USP7: variants seen among roughly 807,000 people sequenced by gnomAD.
USP7 encodes the protein ubiquitin specific peptidase 7.
USP7 carries 9 observed loss-of-function variants against 162.9 expected under a neutral mutation model. The observed-to-expected ratio is 0.06, with a 90% CI of 0.03 to 0.10. The LOEUF is 0.10. Among genes scored for constraint, USP7 ranks in the 10% least tolerant of loss-of-function variants. The pLI is 1.00. For synonymous variants in USP7, 562 were observed against 475.9 expected, an observed-to-expected ratio of 1.18 and a Z score of -2.35; for missense variants, 715 against 1,373.7, an observed-to-expected ratio of 0.52 and a Z score of 7.58.
rs546633709 is a variant in USP7 at position 8,909,950 on chromosome 16, T to C, written c.1161+795A>G. Among the ~76,000 whole-genome samples the C allele has an allele frequency of 2.0e-5, 3 of 152,150 alleles. No individual in the cohort carries two copies. The East Asian group carries it at 5.8e-4, about 29-fold the overall frequency. On this transcript the variant is annotated intron_variant, in intron 11 of 30. Transcript: ENST00000344836. ...CAGAAAAAAAAGCAACTTTCTGATCTATACCTCAGTCCCTCAGTCCAACTG... is the reference window on the plus strand; with the variant it reads ...CAGAAAAAAAAGCAACTTTCTGATCCATACCTCAGTCCCTCAGTCCAACTG...
intron 1 of USP7, among the ~76,000 whole-genome samples, chr16:8,943,886 A>G (rs1330939357): frequency 1.3e-5 from 2 of 152,342 alleles, no homozygotes; most frequent in African/African-American, 2.4e-5. Context: ...AATTTTTCAC[A>G]GGAAAACATT....
At position 8,892,425 on chromosome 16, in the gene USP7, C is replaced by T. The variant is rs943136581; in HGVS notation, c.*1573G>A. 2.6e-5 allele frequency: 4 copies of T among 152,218 alleles called. No individual in the cohort carries two copies. The highest frequency in any genetic ancestry group is 9.7e-5 in the African/African-American group (4 of 41,428). 9.4% of individuals were successfully genotyped at this position (152,218 alleles called of 1,614,324 possible). A position where few individuals can be genotyped will look rare whatever the true frequency, so the allele number is the denominator to read the frequency against. ...CACACTGGCCCAAAGACCAGGAAAC[C>T]GTGCCACGGAGCTGGAAGGCAAGGC... On this transcript the variant is annotated 3_prime_UTR_variant, in exon 31 of 31. Transcript: ENST00000344836.
intron 2 of USP7, among the ~76,000 whole-genome samples, chr16:8,929,062 A>C (rs1409354571): frequency 6.6e-6 from 1 of 152,016 alleles, no homozygotes; most frequent in Admixed American, 6.6e-5. Flanking sequence ...AAAAAGAAAA[A>C]AACAGTAGGG....
chr16:8,897,726 A>AAAATATATAT (rs1555461671), intron 25 of USP7, among the ~76,000 whole-genome samples: 11 of 7,138 alleles, frequency 1.5e-3, no homozygotes, highest in Non-Finnish European at 1.9e-3. Flanking sequence ...AAAAAAAAAA[A>AAAATATATAT]ATATATATAT....
chr16:8,936,717 T>C, intron 1 of USP7: 1 of 1,408,088 alleles, frequency 7.1e-7, no homozygotes, highest in Non-Finnish European at 9.3e-7. Flanking sequence ...CTCAGCATTC[T>C]TTTTTATTTT....
At chr16:8,955,397 A>T (rs1436729356) in intron 1 of USP7, among the ~76,000 whole-genome samples, 2 of 150,852 alleles carry the variant, frequency 1.3e-5, no homozygotes, top group African/African-American at 4.9e-5. Context: ...GGCATAAGCC[A>T]CCATGCCCAG....
At chr16:8,913,813 C>A (rs1309404649) in intron 10 of USP7, among the ~76,000 whole-genome samples, 1 of 151,944 alleles carries the variant, frequency 6.6e-6, no homozygotes, top group Non-Finnish European at 1.5e-5. Context: ...TGCAGTGGCA[C>A]AATCATGGCT....
chr16:8,920,320 A>C, intron 5 of USP7, 39 bp downstream of exon 5: 1 of 1,558,304 alleles, frequency 6.4e-7, no homozygotes, highest in Non-Finnish European at 8.8e-7. Context: ...TGCAGCACAA[A>C]AGACATTTTT....
intron 2 of USP7, among the ~76,000 whole-genome samples, chr16:8,923,815 A>T (rs1897842166): frequency 6.6e-6 from 1 of 152,186 alleles, no homozygotes; most frequent in African/African-American, 2.4e-5. Context: ...ACGACATGGG[A>T]CTTGGGCTGA....
chr16:8,899,213 C>T (rs773800153), intron 22 of USP7, 25 bp from the exon 23 acceptor site: 1 of 1,611,800 alleles, frequency 6.2e-7, no homozygotes, highest in Non-Finnish European at 8.5e-7. Context: ...GGAAGGTTCA[C>T]ATTTTGGGGA....
chr16:8,915,556 CTT>C (rs2062014806), intron 8 of USP7, 31 bp from the exon 9 acceptor site: 5 of 1,587,020 alleles, frequency 3.2e-6, no homozygotes, highest in East Asian at 2.2e-5. Context: ...TTTAAAAAAA[CTT>C]TTTTGTACTT....
At chr16:8,906,146 G>A (rs4985012) in intron 13 of USP7, among the ~76,000 whole-genome samples, 73,240 of 152,166 alleles carry the variant, frequency 0.48, 20,252 homozygotes, top group East Asian at 0.65. Flanking sequence ...ATTATCCCAC[G>A]AGCATTCAGA....
rs777867267 is a variant in USP7, at chr16:8,905,218, G to A, written c.1542C>T (p.Tyr514=). Residue 514 remains tyrosine, a synonymous_variant, in exon 14 of 31, where the codon TAC becomes TAT. Transcript: ENST00000344836. ...TTGATTCCCTGATGTAGACTAACAT[G>A]TAAGCATTAGTGCAGTGTCGAACAG... ...DLSVRHCTNA[Y]MLVYIRESKL... 1 of 1,614,188 alleles carries A rather than the reference G, an allele frequency of 6.2e-7. No homozygotes were observed. Among genetic ancestry groups the A allele is most frequent in the South Asian group, 1.1e-5 (1 of 91,088 alleles).
chr16:8,908,839 C>A (rs926263082), intron 11 of USP7, among the ~76,000 whole-genome samples: 2 of 152,218 alleles, frequency 1.3e-5, no homozygotes, highest in Non-Finnish European at 2.9e-5. Context: ...TCAGAAAACT[C>A]TGGTTACAAT....
At position 8,902,441 on chromosome 16, in the gene USP7, T is replaced by C. The variant is rs145585318; in HGVS notation, c.1881A>G (p.Ala627=). The C allele has an allele frequency of 7.3e-5, 118 of 1,614,012 alleles. No individual in the cohort carries two copies. Among genetic ancestry groups the C allele is most frequent in the Non-Finnish European group, 1.5e-5 (18 of 1,180,036 alleles). Residue 627 remains alanine (A), a synonymous_variant, in exon 17 of 31, where the codon GCA becomes GCG. Transcript: ENST00000344836. ...QDQIRLWPMQ[A]RSNGTKRPAM... ...CTGGTCGTTTTGTTCCATTACTCCT[T>C]GCTTGCATGGGCCACAATCGAATTT...
At chr16:8,949,520 A>T (rs977759601) in intron 1 of USP7, 4 of 152,376 alleles carry the variant, frequency 2.6e-5, no homozygotes, top group Non-Finnish European at 5.9e-5. Flanking sequence ...TTCTATTTTC[A>T]TCCACCCAGA....
chr16:8,930,325 C>T lies in USP7; in HGVS notation c.152G>A (p.Gly51Glu). The change falls in exon 2 of 31, where the codon GGA becomes GAA. Residue 51 changes from glycine (G) to glutamate (E), a missense_variant. Physicochemically the swap from Gly to Glu is moderately conservative, Grantham distance 98. Around this residue, in one of 11 missense-constraint regions of USP7, gnomAD observed 137 missense variants for 123.5 expected, o/e 1.11. Transcript: ENST00000344836. ...VINGNVALSD[G>E]HNTAEEDMED... ...CATGTCCTCCTCCGCGGTGTTGTGT[C>T]CATCACTCAGGGCCACATTCCCATT... 6.2e-7 allele frequency: 1 copy of T among 1,613,724 alleles called. No individual in the cohort carries two copies. Among genetic ancestry groups the T allele is most frequent in the Non-Finnish European group, 8.5e-7 (1 of 1,179,826 alleles).
intron 1 of USP7, among the ~76,000 whole-genome samples, chr16:8,939,875 A>G (rs145973140): frequency 4.1e-3 from 632 of 152,318 alleles, no homozygotes; most frequent in African/African-American, 0.014. Context: ...CAAGGAGGGC[A>G]GATCACGAGG....
intron 8 of USP7, among the ~76,000 whole-genome samples, chr16:8,915,907 A>G (rs1324216727): frequency 6.6e-6 from 1 of 152,232 alleles, no homozygotes; most frequent in Non-Finnish European, 1.5e-5. Context: ...TGGTTTGTCC[A>G]TGGATATTTA....
Sources: allele counts gnomAD v4.1 joint callset (sites outside exome capture counted in the v4.1 genomes callset), GRCh38; gene constraint gnomAD v4.1.1; regional missense constraint gnomAD v4.1.1; transcripts MANE v1.5; gene names NCBI Gene and HGNC (gene_info 2026-07-23, HGNC 2026-07-21).